The following SNX25 variants were observed in gnomAD, a reference collection of about 807,000 sequenced individuals.
SNX25 encodes the protein sorting nexin 25, also known as sorting nexin-25.
Under a neutral mutation model 113.7 loss-of-function variants are expected in SNX25, and 62 were observed. The ratio of observed to expected loss-of-function variants is 0.55; its 90% CI spans 0.44 to 0.67. The LOEUF (loss-of-function observed/expected upper bound fraction) is 0.67. Ranked by LOEUF, SNX25 falls within the 30% of genes least tolerant of loss-of-function variation. SNX25 has a pLI of 0.00. For synonymous variants in SNX25, 421 were observed against 436.2 expected (o/e 0.97, Z 0.43); for missense variants, 1,014 against 1,161.0 (o/e 0.87, Z 1.84).
chr4:185,252,756 A>G (rs1379661506), intron 2 of SNX25, among the ~76,000 whole-genome samples: 4 of 152,196 alleles, frequency 2.6e-5, no homozygotes, highest in Non-Finnish European at 5.9e-5. Context: ...TTACAGATTG[A>G]ATTACAAAGA....
At chr4:185,267,845 T>G (rs1748356564) in intron 5 of SNX25, among the ~76,000 whole-genome samples, 1 of 152,200 alleles carries the variant, frequency 6.6e-6, no homozygotes, top group South Asian at 2.1e-4. Flanking sequence ...GTGTTATATG[T>G]GTTATATACT....
intron 1 of SNX25, among the ~76,000 whole-genome samples, chr4:185,221,107 A>G (rs1391453934): frequency 6.6e-6 from 1 of 150,844 alleles, no homozygotes; most frequent in African/African-American, 2.4e-5. Flanking sequence ...ATCTTGGCTC[A>G]CCGCAACCTC....
rs532444298 is a variant in SNX25, at chr4:185,277,808, C to G, written c.1092-10204C>G. Among the ~76,000 whole-genome samples the G allele has an allele frequency of 2.7e-4, 11 of 40,300 alleles. 4 individuals carry two copies. Among genetic ancestry groups the G allele is most frequent in the Non-Finnish European group, 5.5e-4 (11 of 19,882 alleles). 26.4% of individuals were successfully genotyped at this position (40,300 alleles called of 152,430 possible). On this transcript the variant is annotated intron_variant, in intron 5 of 18. Transcript: ENST00000652585. ...AGTGCAGTGGCGGGATCTCGGCTCA[C>G]TGCAAGCTCCGCCTCCCGGGTTCAC...
At chr4:185,328,602 G>A (rs867807785) in intron 9 of SNX25, among the ~76,000 whole-genome samples, 1 of 152,268 alleles carries the variant, frequency 6.6e-6, no homozygotes, top group Middle Eastern at 3.4e-3. Flanking sequence ...GGGTGAGGGT[G>A]GAGGTTAGAA....
chr4:185,302,869 T>G (rs1470852192), intron 6 of SNX25, among the ~76,000 whole-genome samples: 1 of 152,180 alleles, frequency 6.6e-6, no homozygotes, highest in African/African-American at 2.4e-5. Flanking sequence ...GTGCCTGCTG[T>G]CCCTTCCCCA....
At chr4:185,326,808 C>T (rs2095160431) in intron 9 of SNX25, among the ~76,000 whole-genome samples, 1 of 152,100 alleles carries the variant, frequency 6.6e-6, no homozygotes. Flanking sequence ...TAATGTTTGA[C>T]CACAAGTTAA....
intron 9 of SNX25, 136 bp downstream of exon 9, chr4:185,323,936 T>G: frequency 2.3e-6 from 2 of 874,900 alleles, no homozygotes; most frequent in South Asian, 3.4e-5. Flanking sequence ...AGAATAAAAG[T>G]AGCATCGTTT....
intron 1 of SNX25, among the ~76,000 whole-genome samples, chr4:185,233,523 A>C (rs1281796442): frequency 6.6e-6 from 1 of 152,156 alleles, no homozygotes. Flanking sequence ...TTTATCATAT[A>C]AACTTTTTTA....
the SNX25 span, chr4:185,375,487 A>AAAAAAAAAAAATAT: frequency 1.7e-4 from 2 of 12,016 alleles, no homozygotes; most frequent in Non-Finnish European, 2.9e-4. Context: ...AAAAAAAAAA[A>AAAAAAAAAAAATAT]ATATATATAT....
intron 2 of SNX25, among the ~76,000 whole-genome samples, chr4:185,256,083 T>C (rs956632635): frequency 6.6e-6 from 1 of 152,340 alleles, no homozygotes; most frequent in East Asian, 1.9e-4. Context: ...CTGGTTTTGC[T>C]TTTGTTTTAC....
chr4:185,331,120 C>T (rs2095191668), intron 9 of SNX25, among the ~76,000 whole-genome samples: 1 of 152,208 alleles, frequency 6.6e-6, no homozygotes. Flanking sequence ...CTTTCCAGAG[C>T]TCCTACTCTT....
intron 4 of SNX25, among the ~76,000 whole-genome samples, chr4:185,266,320 G>C (rs540510979): frequency 7.9e-5 from 12 of 152,180 alleles, no homozygotes; most frequent in Admixed American, 7.9e-4. Context: ...TATAAAATAA[G>C]TAAAAGAAAA....
chr4:185,358,561 G>C (rs765944098), intron 16 of SNX25, among the ~76,000 whole-genome samples: 1 of 152,154 alleles, frequency 6.6e-6, no homozygotes, highest in African/African-American at 2.4e-5. Context: ...GTGTCCTAGC[G>C]ATTAGTCTCA....
intron 6 of SNX25, among the ~76,000 whole-genome samples, chr4:185,309,541 C>G (rs887076442): frequency 7.2e-5 from 11 of 152,154 alleles, no homozygotes; most frequent in Non-Finnish European, 1.0e-4. Context: ...TAGTAATTGG[C>G]CCCACCATCC....
At chr4:185,251,441 G>GTCCC (rs768266108) in intron 2 of SNX25, among the ~76,000 whole-genome samples, 2 of 152,090 alleles carry the variant, frequency 1.3e-5, no homozygotes, top group South Asian at 4.1e-4. Flanking sequence ...TCTACTTTTT[G>GTCCC]TCCCTATGAA....
chr4:185,304,199 A>G (rs1056617021), intron 6 of SNX25, among the ~76,000 whole-genome samples: 16 of 152,204 alleles, frequency 1.1e-4, no homozygotes, highest in African/African-American at 3.4e-4. Context: ...AGGCTGGAAC[A>G]TAGAGACGTG....
At chr4:185,310,060 TC>T (rs1396505200) in intron 6 of SNX25, among the ~76,000 whole-genome samples, 2 of 152,270 alleles carry the variant, frequency 1.3e-5, no homozygotes, top group Non-Finnish European at 2.9e-5. Context: ...TCTGCCATAC[TC>T]TACTCATTAT....
intron 1 of SNX25, among the ~76,000 whole-genome samples, chr4:185,235,391 A>G (rs552245360): frequency 1.3e-5 from 2 of 152,164 alleles, no homozygotes; most frequent in African/African-American, 4.8e-5. Flanking sequence ...TCTCTTGTTC[A>G]TTACTCAGTT....
chr4:185,252,806 T>A (rs1745864077), intron 2 of SNX25, among the ~76,000 whole-genome samples: 2 of 152,218 alleles, frequency 1.3e-5, no homozygotes, highest in African/African-American at 4.8e-5. Flanking sequence ...CAAAATAATA[T>A]ACTCCAGCTT....
Sources: gnomAD v4.1 joint callset for allele counts (sites outside exome capture counted in the v4.1 genomes callset) on GRCh38, gnomAD v4.1.1 for gene constraint, MANE v1.5 for transcripts, NCBI Gene and HGNC (gene_info 2026-07-23, HGNC 2026-07-21) for gene names.